Variants in RBMS3 observed in about 807,000 individuals in gnomAD.
RBMS3 encodes the protein RNA-binding motif, single-stranded-interacting protein 3.
Under a neutral mutation model 66.8 loss-of-function variants are expected in RBMS3, and 27 were observed. That is an observed-to-expected ratio of 0.40 (90% confidence interval 0.30 to 0.56). The LOEUF is 0.56. Ranked by LOEUF, RBMS3 falls within the 20% of genes least tolerant of loss-of-function variation. The pLI is 0.40. For synonymous variants in RBMS3, 188 were observed against 183.0 expected (o/e 1.03, Z -0.22); for missense variants, 513 against 549.5 (o/e 0.93, Z 0.66).
chr3:29,877,834 T>A (rs1300539897), intron 7 of RBMS3, among the ~76,000 whole-genome samples: 1 of 152,176 alleles, frequency 6.6e-6, no homozygotes, highest in Non-Finnish European at 1.5e-5. Flanking sequence ...AACTAATAAA[T>A]TGCCCTCAGT....
At chr3:29,584,574 C>A (rs1007828675) in intron 3 of RBMS3, among the ~76,000 whole-genome samples, 2 of 152,066 alleles carry the variant, frequency 1.3e-5, no homozygotes, top group African/African-American at 4.8e-5. Flanking sequence ...TTTTCCTTCT[C>A]CCCTGCTGGT....
intron 6 of RBMS3, among the ~76,000 whole-genome samples, chr3:29,855,272 A>G (rs978727601): frequency 6.6e-6 from 1 of 152,220 alleles, no homozygotes; most frequent in Non-Finnish European, 1.5e-5. Context: ...TAAGTCTATT[A>G]TCAGTAAAAA....
chr3:29,906,731 C>T (rs949933952), intron 10 of RBMS3, among the ~76,000 whole-genome samples: 1 of 152,130 alleles, frequency 6.6e-6, no homozygotes, highest in African/African-American at 2.4e-5. Flanking sequence ...CCCATTTCCT[C>T]TTACCCAAAG....
intron 1 of RBMS3, among the ~76,000 whole-genome samples, chr3:29,316,362 C>T (rs2034676484): frequency 6.6e-6 from 1 of 151,730 alleles, no homozygotes; most frequent in Non-Finnish European, 1.5e-5. Flanking sequence ...AAAATTCTTA[C>T]TCATAATTGA....
rs142195675 is a variant in RBMS3 at position 29,358,101 on chromosome 3, T to C, written c.75+76345T>C. ...TTTGTTGCTATTGCTTTTGGTGTTTTAGACGTGAAGTCCTTGCCCCTGCCT... is the reference window on the plus strand; with the variant it reads ...TTTGTTGCTATTGCTTTTGGTGTTTCAGACGTGAAGTCCTTGCCCCTGCCT... On this transcript the variant is annotated intron_variant, in intron 1 of 14. Transcript: ENST00000383767. Among the ~76,000 whole-genome samples, 855 of 152,328 alleles carry C rather than the reference T, an allele frequency of 5.6e-3. 4 individuals are homozygous for C. The highest frequency in any genetic ancestry group is 0.02 in the African/African-American group (822 of 41,568).
intron 1 of RBMS3, among the ~76,000 whole-genome samples, chr3:29,413,372 T>TA (rs2040351622): frequency 8.2e-5 from 9 of 109,864 alleles, no homozygotes; most frequent in South Asian, 3.3e-4. Flanking sequence ...TCCATCTCAT[T>TA]CATACATACA....
intron 6 of RBMS3, among the ~76,000 whole-genome samples, chr3:29,799,692 A>C (rs961761555): frequency 5.3e-5 from 8 of 152,170 alleles, no homozygotes; most frequent in Non-Finnish European, 7.4e-5. Context: ...TAAAGTATAC[A>C]CTTCATTAAA....
At chr3:29,383,326 A>G (rs1204630074) in intron 1 of RBMS3, among the ~76,000 whole-genome samples, 1 of 152,238 alleles carries the variant, frequency 6.6e-6, no homozygotes, top group Non-Finnish European at 1.5e-5. Context: ...TGTAGGAAGA[A>G]TTACAATGCA....
At chr3:29,532,974 TC>T (rs1007718190) in intron 3 of RBMS3, among the ~76,000 whole-genome samples, 1 of 152,174 alleles carries the variant, frequency 6.6e-6, no homozygotes, top group African/African-American at 2.4e-5. Flanking sequence ...TCTACATAGA[TC>T]TTTTTTTTTA....
chr3:29,721,760 G>T (rs1284425128), intron 4 of RBMS3, among the ~76,000 whole-genome samples: 2 of 152,176 alleles, frequency 1.3e-5, no homozygotes, highest in East Asian at 3.9e-4. Context: ...AGAGTCAGGT[G>T]AGCATGGGGA....
chr3:29,443,422 A>G (rs1406528979), intron 2 of RBMS3, among the ~76,000 whole-genome samples: 1 of 152,030 alleles, frequency 6.6e-6, no homozygotes, highest in Non-Finnish European at 1.5e-5. Flanking sequence ...TGAATAAATA[A>G]TTAAAAAACA....
At chr3:29,760,232 A>G (rs2055611966) in intron 5 of RBMS3, among the ~76,000 whole-genome samples, 1 of 151,276 alleles carries the variant, frequency 6.6e-6, no homozygotes, top group South Asian at 2.1e-4. Context: ...TCTATTCCCT[A>G]AAATGTATTA....
intron 2 of RBMS3, among the ~76,000 whole-genome samples, chr3:29,448,366 C>T (rs1357598383): frequency 6.6e-6 from 1 of 152,128 alleles, no homozygotes; most frequent in African/African-American, 2.4e-5. Flanking sequence ...GGCGTATTTC[C>T]AGGGAATGCT....
chr3:29,775,356 T>C (rs2056390750), intron 6 of RBMS3, among the ~76,000 whole-genome samples: 1 of 151,952 alleles, frequency 6.6e-6, no homozygotes, highest in Non-Finnish European at 1.5e-5. Context: ...ATGGTTAGTC[T>C]TCTGAACATT....
At chr3:29,810,447 G>A (rs746309339) in intron 6 of RBMS3, among the ~76,000 whole-genome samples, 17 of 151,940 alleles carry the variant, frequency 1.1e-4, no homozygotes, top group Admixed American at 2.0e-4. Flanking sequence ...CCTTTCAGAT[G>A]ACATTTCAAA....
chr3:29,393,168 A>C (rs2039386305), intron 1 of RBMS3, among the ~76,000 whole-genome samples: 1 of 152,208 alleles, frequency 6.6e-6, no homozygotes, highest in African/African-American at 2.4e-5. Flanking sequence ...GTGTGGACTT[A>C]TGACAGATAT....
chr3:29,701,330 A>T (rs980679179), intron 4 of RBMS3, among the ~76,000 whole-genome samples: 3 of 152,184 alleles, frequency 2.0e-5, no homozygotes, highest in African/African-American at 7.2e-5. Context: ...TACCTCCGTA[A>T]AAAACAAGCT....
chr3:29,618,945 A>G (rs530560286), intron 4 of RBMS3, among the ~76,000 whole-genome samples: 4 of 152,224 alleles, frequency 2.6e-5, no homozygotes, highest in Non-Finnish European at 5.9e-5. Flanking sequence ...AAACAAAAGT[A>G]GGTAGGGAAA....
chr3:29,817,613 C>A (rs1251629270), intron 6 of RBMS3, among the ~76,000 whole-genome samples: 2 of 152,004 alleles, frequency 1.3e-5, no homozygotes, highest in Non-Finnish European at 2.9e-5. Context: ...AAGTAGAAGT[C>A]AACATGCATT....
Sources: gnomAD v4.1 joint callset for allele counts (sites outside exome capture counted in the v4.1 genomes callset) on GRCh38, gnomAD v4.1.1 for gene constraint, MANE v1.5 for transcripts, NCBI Gene and HGNC (gene_info 2026-07-23, HGNC 2026-07-21) for gene names.